The following CTNNA2 variants were observed in gnomAD, a reference collection of about 807,000 sequenced individuals.
CTNNA2 encodes catenin alpha 2, also known as catenin alpha-2.
In CTNNA2, 42 loss-of-function variants were observed where a neutral mutation model predicts 101.0. The ratio of observed to expected loss-of-function variants is 0.42; its 90% confidence interval spans 0.32 to 0.54. The LOEUF is 0.54. Among genes scored for constraint, CTNNA2 ranks in the 20% least tolerant of loss-of-function variants. CTNNA2 has a pLI of 0.14. For synonymous variants in CTNNA2, 450 were observed against 456.4 expected (o/e 0.99, Z 0.18); for missense variants, 871 against 1,223.1 (o/e 0.71, Z 4.29).
intron 7 of CTNNA2, among the ~76,000 whole-genome samples, chr2:80,267,981 G>C (rs908427992): frequency 2.6e-5 from 4 of 152,208 alleles, no homozygotes; most frequent in Non-Finnish European, 5.9e-5. Context: ...AAACTAGGTA[G>C]ATATGGAACT....
chr2:80,567,943 A>G (rs1036555015), intron 12 of CTNNA2, among the ~76,000 whole-genome samples: 29 of 151,886 alleles, frequency 1.9e-4, no homozygotes, highest in African/African-American at 6.8e-4. Flanking sequence ...GGCTTTGTCT[A>G]TTTTCTTTTC....
At chr2:79,757,984 C>A (rs1471359758) in intron 3 of CTNNA2, among the ~76,000 whole-genome samples, 1 of 152,158 alleles carries the variant, frequency 6.6e-6, no homozygotes, top group Non-Finnish European at 1.5e-5. Context: ...TACAACTGGA[C>A]AACAGATTGG....
chr2:79,752,999 G>C (rs1479499941), intron 3 of CTNNA2, among the ~76,000 whole-genome samples: 3 of 152,184 alleles, frequency 2.0e-5, no homozygotes, highest in Admixed American at 1.3e-4. Context: ...AGCAAAAGCA[G>C]ATTAGATGAA....
chr2:79,709,461 A>G (rs760278854), intron 2 of CTNNA2, among the ~76,000 whole-genome samples: 10 of 152,158 alleles, frequency 6.6e-5, no homozygotes, highest in African/African-American at 4.8e-5. Flanking sequence ...TGTCAGTAAT[A>G]TGGGGATGAG....
At chr2:80,466,016 C>T (rs1296700787) in intron 9 of CTNNA2, among the ~76,000 whole-genome samples, 2 of 152,184 alleles carry the variant, frequency 1.3e-5, no homozygotes, top group East Asian at 3.9e-4. Flanking sequence ...TGCAACTCTT[C>T]TGCTTCCATA....
rs142778517 is a variant in CTNNA2, at chr2:80,177,754, T to C, written c.1057-215457T>C. Among the ~76,000 whole-genome samples, 239 of 152,354 alleles carry C rather than the reference T, an allele frequency of 1.6e-3. 1 individual carries two copies. Among genetic ancestry groups the C allele is most frequent in the African/African-American group, 5.4e-3 (224 of 41,584 alleles). On this transcript the variant is annotated intron_variant, in intron 7 of 18. Coordinates refer to ENST00000402739, the MANE Select transcript of CTNNA2 (RefSeq NM_001282597.3). ...TTGACCACTCAGCGAGGTCCATCTATATACCTCTTCCCCAAATTTCTTTGT... is the reference window on the plus strand; with the variant it reads ...TTGACCACTCAGCGAGGTCCATCTACATACCTCTTCCCCAAATTTCTTTGT...
chr2:79,371,084 C>G (rs1380473162), intron 3 of CTNNA2, among the ~76,000 whole-genome samples: 1 of 152,024 alleles, frequency 6.6e-6, no homozygotes, highest in Non-Finnish European at 1.5e-5. Context: ...AATCCACACT[C>G]CCCTTAGGAG....
intron 1 of CTNNA2, among the ~76,000 whole-genome samples, chr2:79,529,027 G>A (rs1038908902): frequency 6.6e-6 from 1 of 152,048 alleles, no homozygotes; most frequent in Non-Finnish European, 1.5e-5. Flanking sequence ...ATTAGACAAA[G>A]GTCAAGAAGA....
chr2:80,557,711 C>T (rs138987009), intron 12 of CTNNA2, among the ~76,000 whole-genome samples: 10 of 152,256 alleles, frequency 6.6e-5, no homozygotes, highest in Non-Finnish European at 8.8e-5. Flanking sequence ...CTTATTGTAT[C>T]TTGGACTGCT....
At chr2:79,983,998 C>T (rs1042896918) in intron 7 of CTNNA2, among the ~76,000 whole-genome samples, 4 of 152,024 alleles carry the variant, frequency 2.6e-5, no homozygotes, top group African/African-American at 9.7e-5. Context: ...AAAGCAGGTC[C>T]TCATTTATCA....
chr2:79,930,294 G>A (rs999022934), intron 7 of CTNNA2, among the ~76,000 whole-genome samples: 2 of 122,066 alleles, frequency 1.6e-5, no homozygotes, highest in African/African-American at 6.3e-5. Flanking sequence ...GAGAGAGAAA[G>A]AGAAAGAAAG....
intron 7 of CTNNA2, among the ~76,000 whole-genome samples, chr2:80,115,103 G>GAT (rs1488950659): frequency 1.3e-5 from 2 of 152,214 alleles, no homozygotes; most frequent in Admixed American, 1.3e-4. Flanking sequence ...GGGGGCCAGT[G>GAT]ATACTTACAC....
At chr2:79,755,811 T>G (rs1204508260) in intron 3 of CTNNA2, among the ~76,000 whole-genome samples, 1 of 152,148 alleles carries the variant, frequency 6.6e-6, no homozygotes, top group Admixed American at 6.5e-5. Context: ...TATCTAGGAA[T>G]GAAATCAATT....
Position 80,087,529 on chromosome 2 carries a change from C to T in CTNNA2, c.1056+177732C>T, listed in dbSNP as rs192145175. 5.2e-3 allele frequency among the ~76,000 whole-genome samples: 785 copies of T among 152,078 alleles called. 12 individuals are homozygous for T. The highest frequency in any genetic ancestry group is 6.2e-3 in the Non-Finnish European group (420 of 67,944). Reference sequence around the variant, plus strand: ...AGTGGGTCTGAGGATTTTTATGTTTCCCTCTATTTCAAAGTAGCCTTCTGG... The same window carrying T: ...AGTGGGTCTGAGGATTTTTATGTTTTCCTCTATTTCAAAGTAGCCTTCTGG... On this transcript the variant is annotated intron_variant, in intron 7 of 18. Transcript: ENST00000402739.
intron 7 of CTNNA2, among the ~76,000 whole-genome samples, chr2:80,217,663 CACTAA>C (rs1708348657): frequency 6.6e-6 from 1 of 152,174 alleles, no homozygotes; most frequent in Non-Finnish European, 1.5e-5. Flanking sequence ...TCACTCTTTC[CACTAA>C]ACTGTGATTT....
chr2:80,485,382 C>T (rs947145829), intron 9 of CTNNA2, among the ~76,000 whole-genome samples: 3 of 152,122 alleles, frequency 2.0e-5, no homozygotes, highest in African/African-American at 7.2e-5. Flanking sequence ...AGGGTTTCTC[C>T]GAACCTCTCT....
At chr2:79,874,387 G>GAAAAAA in intron 6 of CTNNA2, 45 bp downstream of exon 6, 1 of 1,535,406 alleles carries the variant, frequency 6.5e-7, no homozygotes, top group Admixed American at 2.1e-5. Flanking sequence ...CACTGGTGTT[G>GAAAAAA]ACAAAAAAAA....
intron 2 of CTNNA2, among the ~76,000 whole-genome samples, chr2:79,739,280 GT>G (rs1292915999): frequency 1.3e-5 from 2 of 152,096 alleles, no homozygotes; most frequent in East Asian, 3.9e-4. Flanking sequence ...ACAGAAACAT[GT>G]TTTAATAACA....
At chr2:79,797,734 G>C (rs1413875409) in intron 3 of CTNNA2, among the ~76,000 whole-genome samples, 1 of 150,176 alleles carries the variant, frequency 6.7e-6, no homozygotes, top group Non-Finnish European at 1.5e-5. Flanking sequence ...TAGATGTTTT[G>C]ATTTATGGAA....
Sources: allele counts gnomAD v4.1 joint callset (sites outside exome capture counted in the v4.1 genomes callset), GRCh38; gene constraint gnomAD v4.1.1; transcripts MANE v1.5; gene names NCBI Gene and HGNC (gene_info 2026-07-23, HGNC 2026-07-21).